The following TCF25 variants were observed in gnomAD, a reference collection of about 807,000 sequenced individuals.
The protein encoded by TCF25 is ribosome quality control complex subunit TCF25.
Under a neutral mutation model 83.1 loss-of-function variants are expected in TCF25, and 41 were observed. The ratio of observed to expected loss-of-function variants is 0.49; its 90% CI spans 0.38 to 0.64. The LOEUF (loss-of-function observed/expected upper bound fraction) is 0.64, where lower values mean the gene tolerates loss of function less well. Ranked by LOEUF, TCF25 falls within the 30% of genes least tolerant of loss-of-function variation. The pLI, the probability that TCF25 is intolerant of heterozygous loss-of-function variation, is 0.00. For synonymous variants in TCF25, 458 were observed against 365.0 expected, an observed-to-expected ratio of 1.25 and a Z score of -2.90; for missense variants, 979 against 914.5, an observed-to-expected ratio of 1.07 and a Z score of -0.91.
rs1386636504 is a variant in TCF25, at chr16:89,879,883, ATGGGCTT to A, written c.193-3467_193-3461del. 7.5e-4 allele frequency among the ~76,000 whole-genome samples: 113 copies of A among 150,114 alleles called. 3 individuals carry two copies. The highest frequency in any genetic ancestry group is 6.0e-3 in the Admixed American group (89 of 14,912). Reference sequence around the variant, plus strand: ...TCACACGTGTTGTCCGTGTGCACAGATGGGCTTCGGAGCCTGTCACACGTGTTGTCCG... The same window carrying A: ...TCACACGTGTTGTCCGTGTGCACAGACGGAGCCTGTCACACGTGTTGTCCG... On this transcript the variant is annotated intron_variant, in intron 1 of 17. Transcript: ENST00000263346.
In TCF25 at chr16:89,904,992, T is replaced by C. The variant is rs145000337; in HGVS notation, c.1524T>C (p.Phe508=). Residue 508 remains phenylalanine (F), a synonymous_variant, in exon 14 of 18, where the codon TTT becomes TTC. Coordinates refer to ENST00000263346, the MANE Select transcript of TCF25 (RefSeq NM_014972.3). ...ACCTGTACCTTGGGAGGTCACACTT[T>C]CTCTGGAAAGAGCCCGCCACCATGA... is the stretch of plus-strand genomic sequence containing the variant. The part of the protein sequence containing the change: ...LVNLYLGRSH[F]LWKEPATMSW... The C allele has an allele frequency of 4.0e-4, 644 of 1,607,752 alleles. 1 individual carries two copies. Among genetic ancestry groups the C allele is most frequent in the Non-Finnish European group, 5.1e-4 (595 of 1,177,508 alleles).
At chr16:89,908,778 C>T (rs1019344787) in intron 16 of TCF25, among the ~76,000 whole-genome samples, 18 of 141,616 alleles carry the variant, frequency 1.3e-4, no homozygotes, top group Non-Finnish European at 2.2e-4. Flanking sequence ...TCCCGCCTCC[C>T]TCCTCCCAGT....
At chr16:89,898,133 A>C (rs928779865) in intron 9 of TCF25, among the ~76,000 whole-genome samples, 3 of 152,104 alleles carry the variant, frequency 2.0e-5, no homozygotes, top group African/African-American at 7.2e-5. Context: ...GATTTCAAAG[A>C]AGTTTGATTT....
Position 89,893,762 on chromosome 16 carries a change from C to T in TCF25, c.732C>T (p.Gly244=). ...TGCGGCTGCTGGAATCAAAAAAAGG[C>T]CTCTCCTTCTTTGCGTTTGAGCACA... ...LSMRLLESKK[G]LSFFAFEHSE... Residue 244 remains glycine (G), a synonymous_variant, in exon 7 of 18, where the codon GGC becomes GGT. Transcript: ENST00000263346. 3 of 1,613,994 alleles carry T rather than the reference C, an allele frequency of 1.9e-6. No individual in the cohort carries two copies. The highest frequency in any genetic ancestry group is 1.7e-6 in the Non-Finnish European group (2 of 1,179,972).
intron 15 of TCF25, 45 bp from the exon 16 acceptor site, chr16:89,907,198 C>A (rs776571761): frequency 6.3e-7 from 1 of 1,597,598 alleles, no homozygotes; most frequent in Admixed American, 1.7e-5. Flanking sequence ...GTAGAGGCCC[C>A]CTGGCAGCAT....
chr16:89,894,053 C>A, intron 7 of TCF25, 195 bp downstream of exon 7: 1 of 772,296 alleles, frequency 1.3e-6, no homozygotes, highest in Non-Finnish European at 2.0e-6. Flanking sequence ...GCCAAGCGAG[C>A]TCCATCCATA....
At chr16:89,882,659 T>C (rs1299521139) in intron 1 of TCF25, among the ~76,000 whole-genome samples, 1 of 152,226 alleles carries the variant, frequency 6.6e-6, no homozygotes, top group East Asian at 1.9e-4. Flanking sequence ...CGATCTTGAC[T>C]CACAGCAACC....
chr16:89,900,447 C>T (rs1240002704), intron 11 of TCF25, among the ~76,000 whole-genome samples, 188 bp from the exon 12 acceptor site: 4 of 152,192 alleles, frequency 2.6e-5, no homozygotes, highest in Non-Finnish European at 4.4e-5. Context: ...GTATCTTCTG[C>T]ATGCGGAAAG....
rs1204862348 is a variant in TCF25, at chr16:89,896,025, C to T, written c.964C>T (p.Pro322Ser). The T allele has an allele frequency of 6.2e-7, 1 of 1,613,946 alleles. No homozygotes were observed. The highest frequency in any genetic ancestry group is 8.5e-7 in the Non-Finnish European group (1 of 1,180,012). ...ALYSMECAFH[P>S]LFSLTSGACR... ...GTACAGCATGGAATGTGCGTTCCAC[C>T]CCCTGTTCAGTCTCACCAGTGGGGC... is the stretch of plus-strand genomic sequence containing the variant. Residue 322 changes from proline to serine, a missense_variant, in exon 9 of 18, where the codon CCC becomes TCC. Physicochemically the swap from Pro to Ser is moderately conservative, Grantham distance 74. Transcript: ENST00000263346.
At chr16:89,885,338 C>T (rs879834342) in intron 3 of TCF25, among the ~76,000 whole-genome samples, 2 of 152,198 alleles carry the variant, frequency 1.3e-5, no homozygotes, top group Non-Finnish European at 2.9e-5. Context: ...CTGATGGGGA[C>T]ATCCCTTCTA....
intron 8 of TCF25, 51 bp from the exon 9 acceptor site, chr16:89,895,939 G>A (rs748066619): frequency 6.6e-7 from 1 of 1,524,844 alleles, no homozygotes; most frequent in Non-Finnish European, 9.1e-7. Flanking sequence ...GAGGGGCCGT[G>A]GTTGCTGTGT....
chr16:89,892,395 G>C, intron 6 of TCF25, 120 bp downstream of exon 6: 1 of 1,140,384 alleles, frequency 8.8e-7, no homozygotes, highest in Admixed American at 2.2e-5. Flanking sequence ...GGGCGGCGGG[G>C]GGGTGTGTTC....
chr16:89,884,461 G>T, intron 2 of TCF25, 121 bp from the exon 3 acceptor site: 1 of 951,306 alleles, frequency 1.1e-6, no homozygotes, highest in Non-Finnish European at 1.6e-6. Flanking sequence ...AGGAACTTTT[G>T]GGACACGGAG....
At chr16:89,895,594 A>G (rs1243627726) in intron 8 of TCF25, among the ~76,000 whole-genome samples, 1 of 152,096 alleles carries the variant, frequency 6.6e-6, no homozygotes, top group East Asian at 1.9e-4. Context: ...GCTTAGTAAT[A>G]CTCCACTGTG....
At chr16:89,889,883 T>C (rs1263301403) in intron 5 of TCF25, 1 of 128,242 alleles carries the variant, frequency 7.8e-6, no homozygotes, top group African/African-American at 3.0e-5. Flanking sequence ...GTTTTCTTTT[T>C]TTGAAATGGA....
chr16:89,905,216 G>T (rs2044678222), intron 14 of TCF25, 120 bp downstream of exon 14: 4 of 1,351,506 alleles, frequency 3.0e-6, no homozygotes, highest in Middle Eastern at 2.7e-4. Context: ...CTCCCTTGCT[G>T]TGGGGCCTGT....
chr16:89,878,621 C>CT (rs2042370249), intron 1 of TCF25: 1 of 1,137,144 alleles, frequency 8.8e-7, no homozygotes, highest in African/African-American at 1.7e-5. Context: ...AAAATCACAG[C>CT]TTTTGGGTAG....
chr16:89,873,961 G>T (rs1366922358), intron 1 of TCF25, 102 bp downstream of exon 1: 1 of 1,356,276 alleles, frequency 7.4e-7, no homozygotes, highest in East Asian at 2.8e-5. Context: ...GATGCCAGGG[G>T]TGGGAAGGGT....
At chr16:89,886,585 A>C (rs1282929665) in intron 4 of TCF25, among the ~76,000 whole-genome samples, 1 of 151,900 alleles carries the variant, frequency 6.6e-6, no homozygotes, top group Non-Finnish European at 1.5e-5. Context: ...CAAGATGGAG[A>C]AACCCCATCT....
Sources: gnomAD v4.1 joint callset for allele counts (sites outside exome capture counted in the v4.1 genomes callset) on GRCh38, gnomAD v4.1.1 for gene constraint, MANE v1.5 for transcripts, NCBI Gene and HGNC (gene_info 2026-07-23, HGNC 2026-07-21) for gene names.